Variants in GINM1 observed in about 807,000 individuals in gnomAD.
GINM1 encodes the protein glycosylated integral membrane protein 1.
GINM1 carries 29 observed loss-of-function variants against 37.8 expected under a neutral mutation model. The observed-to-expected ratio is 0.77, with a 90% CI of 0.57 to 1.05. GINM1 has a LOEUF of 1.05. GINM1 is among the 50% of genes least tolerant of loss of function. GINM1 has a pLI of 0.00. For missense variants in GINM1, 377 were observed against 397.9 expected, an observed-to-expected ratio of 0.95 and a Z score of 0.45; for synonymous variants, 143 against 146.2, an observed-to-expected ratio of 0.98 and a Z score of 0.16.
At chr6:149,589,065 A>G (rs1040992062) in intron 7 of GINM1, among the ~76,000 whole-genome samples, 16 of 151,748 alleles carry the variant, frequency 1.1e-4, no homozygotes, top group African/African-American at 3.4e-4. Flanking sequence ...CGGCCTCCCA[A>G]AGTGCTGGGA....
chr6:149,582,307 T>C (rs1290678060), intron 6 of GINM1, 133 bp from the exon 7 acceptor site: 2 of 729,586 alleles, frequency 2.7e-6, no homozygotes, highest in Non-Finnish European at 4.7e-6. Context: ...ACAAATGTAG[T>C]CACCCATGTA....
intron 5 of GINM1, 147 bp from the exon 6 acceptor site, chr6:149,580,446 A>T: frequency 1.5e-6 from 1 of 661,368 alleles, no homozygotes; most frequent in Non-Finnish European, 2.5e-6. Flanking sequence ...TCTGACATTT[A>T]AATCAGTGAA....
At chr6:149,584,158 T>C (rs1778038281) in intron 7 of GINM1, among the ~76,000 whole-genome samples, 1 of 152,044 alleles carries the variant, frequency 6.6e-6, no homozygotes, top group Non-Finnish European at 1.5e-5. Flanking sequence ...GTATTTTTAG[T>C]AGAGATGGGG....
chr6:149,590,938 T>C lies in GINM1; in HGVS notation c.*100T>C. On this transcript the variant is annotated 3_prime_UTR_variant, in exon 8 of 8. Transcript: ENST00000367419. ...AATCGTTAAGAATCAGTTTATACAC[T>C]AGAGAAATTGCTAAACTCTAAGACT... 1.6e-6 allele frequency: 1 copy of C among 621,410 alleles called. No homozygotes were observed. The highest frequency in any genetic ancestry group is 2.8e-5 in the East Asian group (1 of 36,004). The allele number at this position is 621,410 out of a possible 1,614,324, so 38.5% of individuals were successfully genotyped here.
chr6:149,572,281 A>G lies in GINM1; in HGVS notation c.121-4A>G. 2 of 1,579,724 alleles carry G rather than the reference A, an allele frequency of 1.3e-6. No individual in the cohort carries two copies. The highest frequency in any genetic ancestry group is 1.8e-5 in the Admixed American group (1 of 54,492). ...TTCCAATTTACACAATACTTGTTTTACAGGACGGCATCAGAATTAATGTAA... is the reference window on the plus strand; with the variant it reads ...TTCCAATTTACACAATACTTGTTTTGCAGGACGGCATCAGAATTAATGTAA... On this transcript the variant is annotated splice_region_variant and splice_polypyrimidine_tract_variant and intron_variant, in intron 1 of 7. Coordinates refer to ENST00000367419, the MANE Select transcript of GINM1 (RefSeq NM_138785.5).
At chr6:149,572,737 C>G in intron 3 of GINM1, 134 bp downstream of exon 3, 1 of 647,712 alleles carries the variant, frequency 1.5e-6, no homozygotes, top group Non-Finnish European at 2.7e-6. Context: ...TCTCAGCTCA[C>G]TGCAACCTCT....
At chr6:149,582,069 A>G (rs1778010584) in intron 6 of GINM1, 1 of 474,326 alleles carries the variant, frequency 2.1e-6, no homozygotes, top group Admixed American at 2.3e-5. Context: ...GGTACTGGAA[A>G]CAGTTGACTC....
rs1282877905 is a variant in GINM1 at position 149,579,893 on chromosome 6, A to T, written c.489A>T (p.Arg163Ser). 1.9e-6 allele frequency: 3 copies of T among 1,607,350 alleles called. No individual in the cohort carries two copies. The highest frequency in any genetic ancestry group is 2.7e-5 in the African/African-American group (2 of 74,734). Residue 163 changes from arginine (R) to serine (S), a missense_variant, in exon 5 of 8, where the codon AGA becomes AGT. Arg to Ser is a moderately radical substitution (Grantham distance 110, BLOSUM62 -1). Coordinates refer to ENST00000367419, the MANE Select transcript of GINM1 (RefSeq NM_138785.5). ...DILVKNRGVL[R>S]HSNYTLPLEE... ...TAGTTAAGAACCGGGGAGTACTCAG[A>T]CATTCAAACTATACCCTCCCTTTGG...
At chr6:149,582,643 G>C in intron 7 of GINM1, 40 bp downstream of exon 7, 1 of 1,335,184 alleles carries the variant, frequency 7.5e-7, no homozygotes, top group Non-Finnish European at 1.0e-6. Flanking sequence ...TATTTTTAAT[G>C]ATTAAAAAGT....
intron 3 of GINM1, among the ~76,000 whole-genome samples, chr6:149,574,899 A>C (rs1236983945): frequency 6.6e-6 from 1 of 152,130 alleles, no homozygotes; most frequent in East Asian, 1.9e-4. Flanking sequence ...AAAATAAATA[A>C]ATTTGTACTT....
intron 3 of GINM1, among the ~76,000 whole-genome samples, chr6:149,577,066 C>A (rs1327620507): frequency 6.6e-6 from 1 of 152,198 alleles, no homozygotes; most frequent in African/African-American, 2.4e-5. Flanking sequence ...AACCCCAAGC[C>A]ATGAGGGATC....
chr6:149,571,691 T>C (rs1777824646), intron 1 of GINM1, among the ~76,000 whole-genome samples: 1 of 152,146 alleles, frequency 6.6e-6, no homozygotes, highest in Non-Finnish European at 1.5e-5. Context: ...TATTTTATCC[T>C]CGGTGGTACT....
chr6:149,578,605 T>C (rs907586102), intron 3 of GINM1, among the ~76,000 whole-genome samples: 2 of 152,132 alleles, frequency 1.3e-5, no homozygotes, highest in African/African-American at 2.4e-5. Flanking sequence ...ATCAACACAT[T>C]TTACCCTTTC....
chr6:149,590,826 AACATGTATTTAAAACGCCATCTCAT>A lies in GINM1; in HGVS notation c.983_*14del, dbSNP rs1177782107. 6 of 1,553,058 alleles carry A rather than the reference AACATGTATTTAAAACGCCATCTCAT, an allele frequency of 3.9e-6. No individual in the cohort carries two copies. The Admixed American group carries it at 1.0e-4, about 26-fold the overall frequency. On this transcript the variant is annotated stop_lost and 3_prime_UTR_variant, in exon 8 of 8. Coordinates refer to ENST00000367419, the MANE Select transcript of GINM1 (RefSeq NM_138785.5). ...AAAGAGCTGAAAACCTTGAAGATAA[AACATGTATTTAAAACGCCATCTCAT>A]ATCATGGACTCCGAAGTAGCCTGTT...
chr6:149,566,548 G>T lies in GINM1; in HGVS notation c.120+14G>T. On this transcript the variant is annotated intron_variant, in intron 1 of 7. Transcript: ENST00000367419. This position sits in a 1 kb window ranked among gnomAD's most constrained non-coding sequence, Gnocchi z 4.4. ...GGAGCCCCACAGGTAGGGCAGGGCG[G>T]GCCTGGCTGGCCGCTTTACGACTCC... 2 of 1,484,732 alleles carry T rather than the reference G, an allele frequency of 1.3e-6. No homozygotes were observed. The highest frequency in any genetic ancestry group is 1.8e-6 in the Non-Finnish European group (2 of 1,121,462). The allele number at this position is 1,484,732 out of a possible 1,614,324, so 92.0% of individuals were successfully genotyped here.
At position 149,566,451 on chromosome 6, in the gene GINM1, C is replaced by T; in HGVS notation, c.37C>T (p.Leu13Phe). 6.3e-7 allele frequency: 1 copy of T among 1,575,998 alleles called. No homozygotes were observed. The highest frequency in any genetic ancestry group is 8.5e-7 in the Non-Finnish European group (1 of 1,171,494). Residue 13 changes from leucine (L) to phenylalanine (F), a missense_variant, in exon 1 of 8, where the codon CTC becomes TTC. Physicochemically the swap from Leu to Phe is conservative, Grantham distance 22. Transcript: ENST00000367419. The surrounding 1 kb of genome is among the most constrained non-coding windows in gnomAD (Gnocchi z 4.4). ...TCCACCGGGGTCGCTCGCCCTCCGG[C>T]TCCTGCTGTTCGTGGCGCTACCCGC... Reference protein sequence around the residue: ...GAPPGSLALRLLLFVALPASG... With the variant: ...GAPPGSLALRFLLFVALPASG...
intron 3 of GINM1, among the ~76,000 whole-genome samples, chr6:149,573,454 A>C (rs1333142797): frequency 6.6e-6 from 1 of 152,236 alleles, no homozygotes; most frequent in Admixed American, 6.5e-5. Context: ...GATCATTATC[A>C]GAATGTACAA....
At chr6:149,570,168 AT>A (rs1777793368) in intron 1 of GINM1, among the ~76,000 whole-genome samples, 1 of 82,758 alleles carries the variant, frequency 1.2e-5, no homozygotes, top group Non-Finnish European at 2.4e-5. Flanking sequence ...ATATATATAT[AT>A]ATATATATAT....
At chr6:149,586,917 T>C (rs541018022) in intron 7 of GINM1, among the ~76,000 whole-genome samples, 1 of 152,166 alleles carries the variant, frequency 6.6e-6, no homozygotes, top group Middle Eastern at 3.4e-3. Flanking sequence ...CCTGAGTAGC[T>C]AGGACTAAGG....
Sources: allele counts gnomAD v4.1 joint callset (sites outside exome capture counted in the v4.1 genomes callset), GRCh38; gene constraint gnomAD v4.1.1; non-coding constraint Gnocchi (gnomAD v3.1); transcripts MANE v1.5; gene names NCBI Gene and HGNC (gene_info 2026-07-23, HGNC 2026-07-21).